MVB12B: variants seen among roughly 807,000 people sequenced by gnomAD.
MVB12B encodes ESCRT-I complex subunit MVB12B.
MVB12B carries 16 observed loss-of-function variants against 41.6 expected under a neutral mutation model. The ratio of observed to expected loss-of-function variants is 0.38; its 90% CI spans 0.26 to 0.58. The LOEUF (loss-of-function observed/expected upper bound fraction) is 0.58. Ranked by LOEUF, MVB12B falls within the 20% of genes least tolerant of loss-of-function variation. MVB12B has a pLI of 0.62. For synonymous variants in MVB12B, 133 were observed against 139.7 expected (o/e 0.95, Z 0.34); for missense variants, 274 against 380.2 (o/e 0.72, Z 2.32).
intron 9 of MVB12B, among the ~76,000 whole-genome samples, chr9:126,501,605 G>A (rs1017016195): frequency 1.3e-5 from 2 of 152,184 alleles, no homozygotes; most frequent in African/African-American, 2.4e-5. Context: ...TTTGGCTGTG[G>A]ACATGGCGCT....
Position 126,494,863 on chromosome 9 carries a change from A to AC in MVB12B, c.874-8310dup, listed in dbSNP as rs200929920. ...AATGCTGACTCAGTGACCAGGGAGCACCCCACCCCCCCCCAGGGTTGTTTG... is the reference window on the plus strand; with the variant it reads ...AATGCTGACTCAGTGACCAGGGAGCACCCCCACCCCCCCCCAGGGTTGTTTG... On this transcript the variant is annotated intron_variant, in intron 9 of 9. Transcript: ENST00000361171. Among the ~76,000 whole-genome samples, 290 of 146,076 alleles carry AC rather than the reference A, an allele frequency of 2.0e-3. 5 individuals carry two copies. The highest frequency in any genetic ancestry group is 4.6e-3 in the South Asian group (21 of 4,554).
chr9:126,487,320 C>T (rs1459976301), intron 9 of MVB12B, among the ~76,000 whole-genome samples: 1 of 152,232 alleles, frequency 6.6e-6, no homozygotes, highest in Non-Finnish European at 1.5e-5. Flanking sequence ...ACCATCGTTA[C>T]CGTTCTCCTT....
chr9:126,499,658 A>G (rs902751283), intron 9 of MVB12B, among the ~76,000 whole-genome samples: 4 of 151,846 alleles, frequency 2.6e-5, no homozygotes, highest in Admixed American at 2.6e-4. Flanking sequence ...CCGCAGCCAG[A>G]GGGGATTATG....
chr9:126,376,407 C>A lies in MVB12B; in HGVS notation c.205-4657C>A. 1.2e-6 allele frequency: 1 copy of A among 856,286 alleles called. No homozygotes were observed. Among genetic ancestry groups the A allele is most frequent in the Non-Finnish European group, 1.7e-6 (1 of 594,866 alleles). The allele number at this position is 856,286 out of a possible 1,614,324, so 53.0% of individuals were successfully genotyped here. A position where few individuals can be genotyped will look rare whatever the true frequency, so the allele number is the denominator to read the frequency against. On this transcript the variant is annotated intron_variant, in intron 2 of 9. Coordinates refer to ENST00000361171, the MANE Select transcript of MVB12B (RefSeq NM_033446.3). This position sits in a 1 kb window ranked among gnomAD's most constrained non-coding sequence, Gnocchi z 4.1. ...CTTCTGTCATGTCTGAGCCTGTCCC[C>A]AGTGCCTGGTGACCCTTTGTTGTGG...
chr9:126,398,482 A>T (rs1831180737), intron 6 of MVB12B, among the ~76,000 whole-genome samples: 1 of 152,206 alleles, frequency 6.6e-6, no homozygotes, highest in South Asian at 2.1e-4. Flanking sequence ...ACCTTTTGTT[A>T]TATTTCCCTC....
intron 2 of MVB12B, among the ~76,000 whole-genome samples, chr9:126,347,414 A>T (rs781456346): frequency 8.5e-5 from 13 of 152,220 alleles, no homozygotes; most frequent in Non-Finnish European, 1.2e-4. Context: ...TAATTAGACA[A>T]AAGAACCTTT....
At position 126,506,115 on chromosome 9, in the gene MVB12B, C is replaced by G. The variant is rs968002257; in HGVS notation, c.*2852C>G. The stretch of plus-strand genomic sequence containing the variant: ...TATAATTAAGGCCTTTCTTCCCACC[C>G]CAAGTCCAAGAACAAATGCCAGCCA... On this transcript the variant is annotated 3_prime_UTR_variant, in exon 10 of 10. Coordinates refer to ENST00000361171, the MANE Select transcript of MVB12B (RefSeq NM_033446.3). The G allele has an allele frequency of 2.0e-5, 3 of 152,476 alleles. No individual in the cohort carries two copies. The highest frequency in any genetic ancestry group is 4.4e-5 in the Non-Finnish European group (3 of 68,064). 9.4% of individuals were successfully genotyped at this position (152,476 alleles called of 1,614,324 possible). A position where few individuals can be genotyped will look rare whatever the true frequency, so the allele number is the denominator to read the frequency against.
intron 7 of MVB12B, among the ~76,000 whole-genome samples, chr9:126,445,209 A>T (rs1026942797): frequency 6.6e-6 from 1 of 152,132 alleles, no homozygotes; most frequent in African/African-American, 2.4e-5. Flanking sequence ...ATGTCTTTGT[A>T]TATTATTCAG....
chr9:126,482,116 G>T (rs1833535932), intron 8 of MVB12B, among the ~76,000 whole-genome samples: 1 of 152,254 alleles, frequency 6.6e-6, no homozygotes, highest in East Asian at 1.9e-4. Flanking sequence ...CGGCCACCCT[G>T]CATGGCAGTG....
intron 9 of MVB12B, among the ~76,000 whole-genome samples, chr9:126,496,402 CCACT>C (rs1415321428): frequency 2.0e-5 from 3 of 148,870 alleles, no homozygotes; most frequent in East Asian, 2.0e-4. Flanking sequence ...CCATACCCAC[CCACT>C]CACTCACCCA....
chr9:126,371,992 C>G (rs550111907), intron 2 of MVB12B, among the ~76,000 whole-genome samples: 2 of 152,310 alleles, frequency 1.3e-5, no homozygotes, highest in Admixed American at 1.3e-4. Flanking sequence ...TGAACATTGT[C>G]ATCACCTGCT....
intron 1 of MVB12B, among the ~76,000 whole-genome samples, chr9:126,328,560 A>T (rs1374173142): frequency 6.6e-6 from 1 of 152,094 alleles, no homozygotes; most frequent in Non-Finnish European, 1.5e-5. Context: ...AACTTTTCTG[A>T]GTTTCAGTTT....
chr9:126,451,315 G>C (rs2119160442), intron 7 of MVB12B, among the ~76,000 whole-genome samples: 1 of 152,334 alleles, frequency 6.6e-6, no homozygotes, highest in Admixed American at 6.5e-5. Flanking sequence ...GCCCACGGTA[G>C]GTGCTCACCA....
rs1833613999 is a variant in MVB12B, at chr9:126,486,110, C to T, written c.873+2078C>T. Reference sequence around the variant, plus strand: ...TAAACCTGTCATAGCAAAAACAAGACAAAAAAGTCCCCCTTTGTCTTTGAT... The same window carrying T: ...TAAACCTGTCATAGCAAAAACAAGATAAAAAAGTCCCCCTTTGTCTTTGAT... On this transcript the variant is annotated intron_variant, in intron 9 of 9. Coordinates refer to ENST00000361171, the MANE Select transcript of MVB12B (RefSeq NM_033446.3). The surrounding 1 kb of genome is among the most constrained non-coding windows in gnomAD (Gnocchi z 4.7). 6.6e-6 allele frequency among the ~76,000 whole-genome samples: 1 copy of T among 152,010 alleles called. No individual in the cohort carries two copies. The highest frequency in any genetic ancestry group is 6.5e-5 in the Admixed American group (1 of 15,268).
chr9:126,378,020 A>C (rs1447680440), intron 2 of MVB12B, among the ~76,000 whole-genome samples: 1 of 152,252 alleles, frequency 6.6e-6, no homozygotes, highest in East Asian at 1.9e-4. Flanking sequence ...TCCACTTTGC[A>C]GAGGAGGACA....
At chr9:126,397,146 C>T (rs1046818558) in intron 6 of MVB12B, 4 of 985,420 alleles carry the variant, frequency 4.1e-6, no homozygotes, top group African/African-American at 1.7e-5. Flanking sequence ...AAAGCCCCCA[C>T]AGGAGCAGTT....
intron 2 of MVB12B, among the ~76,000 whole-genome samples, chr9:126,348,907 TA>T (rs1829670172): frequency 1.3e-5 from 2 of 152,220 alleles, no homozygotes; most frequent in South Asian, 4.1e-4. Context: ...ATTTCTGTTT[TA>T]AAACGTGCCC....
At chr9:126,474,506 G>A (rs1220055672) in intron 7 of MVB12B, among the ~76,000 whole-genome samples, 1 of 152,138 alleles carries the variant, frequency 6.6e-6, no homozygotes, top group African/African-American at 2.4e-5. Flanking sequence ...AGGAGACATG[G>A]ATGTTACAGA....
intron 3 of MVB12B, among the ~76,000 whole-genome samples, chr9:126,385,226 G>T (rs1431688946): frequency 2.6e-5 from 4 of 152,178 alleles, no homozygotes; most frequent in Non-Finnish European, 5.9e-5. Context: ...AGCACCTGCT[G>T]TGTGGCAAAA....
Sources: allele counts gnomAD v4.1 joint callset (sites outside exome capture counted in the v4.1 genomes callset), GRCh38; gene constraint gnomAD v4.1.1; non-coding constraint Gnocchi (gnomAD v3.1); transcripts MANE v1.5; gene names NCBI Gene and HGNC (gene_info 2026-07-23, HGNC 2026-07-21).